The following WNT11 variants were observed in gnomAD, a reference collection of about 807,000 sequenced individuals.
The protein encoded by WNT11 is protein Wnt-11.
In WNT11, 20 loss-of-function variants were observed where a neutral mutation model predicts 35.6. That is an observed-to-expected ratio of 0.56 (90% CI 0.40 to 0.82). The LOEUF (loss-of-function observed/expected upper bound fraction) is 0.82. Ranked by LOEUF, WNT11 falls within the 40% of genes least tolerant of loss-of-function variation. The pLI is 0.00. For missense variants in WNT11, 459 were observed against 504.4 expected (o/e 0.91, Z 0.86); for synonymous variants, 200 against 211.9 (o/e 0.94, Z 0.49).
rs945812311 is a variant in WNT11 at position 76,194,675 on chromosome 11, G to A, written c.489C>T (p.Tyr163=). Residue 163 remains tyrosine (Y), a synonymous_variant, in exon 3 of 5, where the codon TAC becomes TAT. Transcript: ENST00000322563. The surrounding 1 kb of genome is among the most constrained non-coding windows in gnomAD (Gnocchi z 5.4). ...RWGGCADNLS[Y]GLLMGAKFSD... is the part of the protein sequence containing the mutation. The stretch of plus-strand genomic sequence containing the variant: ...AAAACTTGGCCCCCATGAGGAGCCC[G>A]TAGCTGAGGTTGTCCGCACATCCTC... 1.0e-5 allele frequency: 16 copies of A among 1,550,534 alleles called. No homozygotes were observed. The highest frequency in any genetic ancestry group is 3.9e-5 in the Admixed American group (2 of 50,982).
chr11:76,210,342 C>T, upstream of WNT11: 1 of 810,680 alleles, frequency 1.2e-6, no homozygotes, highest in Non-Finnish European at 1.5e-6. Flanking sequence ...GCTTGGTTTG[C>T]TTACCCGGGA....
At chr11:76,189,731 C>T (rs773112415) in intron 4 of WNT11, among the ~76,000 whole-genome samples, 5 of 152,138 alleles carry the variant, frequency 3.3e-5, no homozygotes, top group African/African-American at 7.2e-5. Context: ...TTTTCTGTCA[C>T]GACCTGAGCC....
At chr11:76,202,717 C>T (rs183991121) in intron 1 of WNT11, among the ~76,000 whole-genome samples, 4 of 152,326 alleles carry the variant, frequency 2.6e-5, no homozygotes, top group South Asian at 2.1e-4. Flanking sequence ...TGCAGCTGCC[C>T]GTTCAGGAAG....
At chr11:76,208,026 G>A, upstream of WNT11, among the ~76,000 whole-genome samples, 1 of 152,316 alleles carries the variant, frequency 6.6e-6, no homozygotes, top group Non-Finnish European at 1.5e-5. Flanking sequence ...CGCTGGAGCA[G>A]AAAAGGGACG....
chr11:76,190,746 G>A (rs1046222435), intron 4 of WNT11: 1 of 152,218 alleles, frequency 6.6e-6, no homozygotes, highest in African/African-American at 2.4e-5. Flanking sequence ...ATTCCTCAGA[G>A]CCTTTCATAT....
At position 76,187,180 on chromosome 11, in the gene WNT11, C is replaced by G; in HGVS notation, c.950G>C (p.Gly317Ala). Residue 317 changes from glycine to alanine, a missense_variant, in exon 5 of 5, where the codon GGC (glycine) becomes GCC (alanine). By Grantham distance (60) the Gly-to-Ala change is moderately conservative (BLOSUM62 0). Transcript: ENST00000322563. ...CACGCGGTCTGTGTAGGGGTTGTAG[C>G]CACGCCCGCAGCACATAAGGTCGCA... ...DSCDLMCCGRGYNPYTDRVVE... is the reference protein window; with the variant it reads ...DSCDLMCCGRAYNPYTDRVVE... 6.2e-7 allele frequency: 1 copy of G among 1,610,488 alleles called. No homozygotes were observed. The highest frequency in any genetic ancestry group is 1.1e-5 in the South Asian group (1 of 91,084).
At chr11:76,191,108 G>A (rs770661909) in intron 4 of WNT11, among the ~76,000 whole-genome samples, 4 of 152,318 alleles carry the variant, frequency 2.6e-5, no homozygotes, top group South Asian at 2.1e-4. Context: ...CCCTCACACA[G>A]TGTAGGCTGT....
Position 76,191,717 on chromosome 11 carries a change from T to C in WNT11, c.737A>G (p.Lys246Arg). ...DLKTRYLSAT[K>R]VVHRPMGTRK... is the part of the protein sequence containing the mutation. ...GGTGCCCATGGGTCGGTGCACTACC[T>C]TGGTGGCCGACAGGTATCGGGTCTT... The change falls in exon 4 of 5, where the codon AAG (lysine) becomes AGG (arginine). Residue 246 changes from lysine (K) to arginine (R), a missense_variant. Coordinates refer to ENST00000322563, the MANE Select transcript of WNT11 (RefSeq NM_004626.3). 1 of 1,613,912 alleles carries C rather than the reference T, an allele frequency of 6.2e-7. No individual in the cohort carries two copies. Among genetic ancestry groups the C allele is most frequent in the Non-Finnish European group, 8.5e-7 (1 of 1,180,038 alleles).
At chr11:76,193,937 C>T (rs1244007068) in intron 3 of WNT11, among the ~76,000 whole-genome samples, 2 of 152,178 alleles carry the variant, frequency 1.3e-5, no homozygotes, top group Non-Finnish European at 2.9e-5. Flanking sequence ...AACACAGTGT[C>T]TGCAACACAG....
chr11:76,192,251 G>T (rs1333255112), intron 3 of WNT11, among the ~76,000 whole-genome samples: 1 of 152,238 alleles, frequency 6.6e-6, no homozygotes, highest in Non-Finnish European at 1.5e-5. Context: ...GAAAATCATG[G>T]AGCTTGAATT....
chr11:76,190,740 C>A (rs1292448407), intron 4 of WNT11: 1 of 152,238 alleles, frequency 6.6e-6, no homozygotes, highest in African/African-American at 2.4e-5. Flanking sequence ...CTGCAGATTC[C>A]TCAGAGCCTT....
chr11:76,206,585 G>C, upstream of WNT11: 1 of 1,181,392 alleles, frequency 8.5e-7, no homozygotes, highest in Non-Finnish European at 1.1e-6. Context: ...GAGGGGTCGG[G>C]GCCCGGGGAG....
chr11:76,208,629 A>G (rs1462121736), upstream of WNT11, among the ~76,000 whole-genome samples: 1 of 152,094 alleles, frequency 6.6e-6, no homozygotes, highest in Non-Finnish European at 1.5e-5. Context: ...GGGCTGCAAG[A>G]GGACGGAGGC....
At chr11:76,208,590 C>T (rs760206081), upstream of WNT11, among the ~76,000 whole-genome samples, 4 of 152,186 alleles carry the variant, frequency 2.6e-5, no homozygotes, top group Admixed American at 2.0e-4. Flanking sequence ...CCCGAAGGCA[C>T]CCGGCATTCC....
At chr11:76,195,345 A>G (rs892974364) in intron 2 of WNT11, among the ~76,000 whole-genome samples, 1 of 152,244 alleles carries the variant, frequency 6.6e-6, no homozygotes, top group African/African-American at 2.4e-5. Context: ...GCCCTAGGCC[A>G]GTGGCTGGTG....
chr11:76,193,706 C>G (rs61894404), intron 3 of WNT11, among the ~76,000 whole-genome samples: 15,129 of 152,264 alleles, frequency 0.099, 1,013 homozygotes, highest in Non-Finnish European at 0.15. Flanking sequence ...TCTATTGTGC[C>G]GTGGGGCTGA....
chr11:76,197,348 G>A (rs1281088432), intron 1 of WNT11, among the ~76,000 whole-genome samples: 1 of 152,182 alleles, frequency 6.6e-6, no homozygotes, highest in East Asian at 1.9e-4. Flanking sequence ...GAAAAATTTA[G>A]TATCTAATTC....
intron 3 of WNT11, 88 bp from the exon 4 acceptor site, chr11:76,191,944 G>C: frequency 6.9e-7 from 1 of 1,458,318 alleles, no homozygotes; most frequent in Non-Finnish European, 9.1e-7. Flanking sequence ...CCATGGCTGG[G>C]TGCTCTCAGG....
chr11:76,205,740 A>G (rs1202970032), intron 1 of WNT11, among the ~76,000 whole-genome samples: 2 of 152,054 alleles, frequency 1.3e-5, no homozygotes, highest in African/African-American at 2.4e-5. Flanking sequence ...AATAATTTCT[A>G]TCTAAAGGAA....
Sources: gnomAD v4.1 joint callset for allele counts (sites outside exome capture counted in the v4.1 genomes callset) on GRCh38, gnomAD v4.1.1 for gene constraint, Gnocchi (gnomAD v3.1) non-coding constraint, MANE v1.5 for transcripts, NCBI Gene and HGNC (gene_info 2026-07-23, HGNC 2026-07-21) for gene names.